The following CUBN variants were observed in gnomAD, a reference collection of about 807,000 sequenced individuals.
CUBN encodes 460 kDa receptor.
A neutral mutation model predicts 405.3 loss-of-function variants in CUBN; 282 were observed. The observed-to-expected ratio is 0.70, with a 90% CI of 0.63 to 0.77. CUBN has a LOEUF of 0.77. CUBN is among the 30% of genes least tolerant of loss of function. The pLI, the probability that CUBN is intolerant of heterozygous loss-of-function variation, is 0.00. For missense variants in CUBN, 4,514 were observed against 4,475.2 expected (o/e 1.01, Z -0.25); for synonymous variants, 1,684 against 1,617.0 (o/e 1.04, Z -0.99).
chr10:17,080,136 A>G (rs1001308890), intron 17 of CUBN, among the ~76,000 whole-genome samples: 2 of 152,008 alleles, frequency 1.3e-5, no homozygotes, highest in Non-Finnish European at 2.9e-5. Flanking sequence ...GATACACAGC[A>G]TTTCCTGTTT....
Position 16,869,770 on chromosome 10 carries a change from G to C in CUBN, c.9320C>G (p.Pro3107Arg), listed in dbSNP as rs1426304982. ...GGAACCGCAGAATTTGCCAAGAAGGGGATCGCTGGTATTGGCACCATCGTA... is the reference window on the plus strand; with the variant it reads ...GGAACCGCAGAATTTGCCAAGAAGGCGATCGCTGGTATTGGCACCATCGTA... ...AIYDGANTSD[P>R]LLGKFCGSKR... is the part of the protein sequence containing the mutation. Residue 3107 changes from proline (P) to arginine (R), a missense_variant, in exon 59 of 67, where the codon CCC (proline) becomes CGC (arginine). Pro to Arg is a moderately radical substitution (Grantham distance 103). Around this residue, in one of 5 missense-constraint regions of CUBN, gnomAD observed 1,186 missense variants for 1,186.9 expected, o/e 1.00. Coordinates refer to ENST00000377833, the MANE Select transcript of CUBN (RefSeq NM_001081.4). The C allele has an allele frequency of 2.5e-6, 4 of 1,613,900 alleles. No individual in the cohort carries two copies. In the South Asian group the frequency reaches 4.4e-5, roughly 18 times the overall value.
chr10:17,050,281 G>A (rs900672877), intron 22 of CUBN, among the ~76,000 whole-genome samples: 1 of 152,128 alleles, frequency 6.6e-6, no homozygotes, highest in Non-Finnish European at 1.5e-5. Flanking sequence ...CAAAATATTG[G>A]ACAATCTGCA....
intron 54 of CUBN, among the ~76,000 whole-genome samples, chr10:16,891,597 C>G (rs1451063019): frequency 6.6e-6 from 1 of 151,984 alleles, no homozygotes; most frequent in African/African-American, 2.4e-5. Context: ...AGAAAGGATG[C>G]CGGAAAACAG....
intron 26 of CUBN, among the ~76,000 whole-genome samples, chr10:17,041,774 C>T (rs1314138814): frequency 6.6e-6 from 1 of 152,018 alleles, no homozygotes; most frequent in Non-Finnish European, 1.5e-5. Flanking sequence ...GCTCCGTTCT[C>T]CCTCTAGTTA....
chr10:16,974,768 C>T (rs61841480), intron 31 of CUBN, among the ~76,000 whole-genome samples: 25,480 of 152,062 alleles, frequency 0.17, 2,737 homozygotes, highest in Non-Finnish European at 0.25. Flanking sequence ...GCAAGACTAG[C>T]GCCCCCTCCC....
intron 31 of CUBN, among the ~76,000 whole-genome samples, chr10:16,974,619 C>A (rs1023385012): frequency 1.3e-5 from 2 of 152,120 alleles, no homozygotes; most frequent in Admixed American, 1.3e-4. Context: ...GATCCCCCCG[C>A]CTCGGCCTCC....
chr10:16,876,950 T>G lies in CUBN; in HGVS notation c.9053A>C (p.Tyr3018Ser), dbSNP rs370778353. The G allele has an allele frequency of 1.1e-4, 185 of 1,613,954 alleles. No individual in the cohort carries two copies. The highest frequency in any genetic ancestry group is 8.2e-4 in the Middle Eastern group (5 of 6,062). Residue 3018 changes from tyrosine (Y) to serine (S), a missense_variant, in exon 57 of 67, where the codon TAC becomes TCC. Transcript: ENST00000377833. ...TIAGPVLLNF[Y>S]SNEQITDFGF... ...GAAGTCTGTGATTTGCTCGTTGGAG[T>G]AGAAGTTAAGCAGAACCGGCCCAGC...
intron 4 of CUBN, among the ~76,000 whole-genome samples, chr10:17,124,941 C>T (rs1837138922): frequency 6.6e-6 from 1 of 152,008 alleles, no homozygotes; most frequent in Non-Finnish European, 1.5e-5. Context: ...AAGCGATTCT[C>T]ATGCCTCAGC....
At chr10:16,874,574 A>T in intron 57 of CUBN, 71 bp from the exon 58 acceptor site, 3 of 1,561,242 alleles carry the variant, frequency 1.9e-6, no homozygotes. Context: ...ATTTTAAGAG[A>T]TTCTATACTA....
At chr10:16,828,515 C>T (rs1838862939) in intron 66 of CUBN, among the ~76,000 whole-genome samples, 1 of 152,086 alleles carries the variant, frequency 6.6e-6, no homozygotes, top group South Asian at 2.1e-4. Flanking sequence ...GTCAGGAGTT[C>T]GAGACCAGCC....
chr10:17,047,409 C>T lies in CUBN; in HGVS notation c.3329+5G>A, dbSNP rs773337793. 1 of 1,597,606 alleles carries T rather than the reference C, an allele frequency of 6.3e-7. No individual in the cohort carries two copies. Among genetic ancestry groups the T allele is most frequent in the Non-Finnish European group, 8.6e-7 (1 of 1,165,460 alleles). On this transcript the variant is annotated splice_donor_5th_base_variant and intron_variant, in intron 23 of 66. Coordinates refer to ENST00000377833, the MANE Select transcript of CUBN (RefSeq NM_001081.4). ...GATTATAATGAAATAAATAAAAGTG[C>T]TGACCTGATTTCCAGAAAATCTGTA... is the stretch of plus-strand genomic sequence containing the variant.
At chr10:17,114,236 C>G (rs781191231) in intron 7 of CUBN, 47 bp from the exon 8 acceptor site, 1 of 1,589,664 alleles carries the variant, frequency 6.3e-7, no homozygotes, top group Non-Finnish European at 8.6e-7. Context: ...TGAAAATCAG[C>G]AAGAAAAGCC....
intron 31 of CUBN, among the ~76,000 whole-genome samples, chr10:16,963,611 C>T (rs1843302611): frequency 6.6e-6 from 1 of 152,010 alleles, no homozygotes; most frequent in African/African-American, 2.4e-5. Context: ...CAAGAATATT[C>T]GGTACAAAAA....
intron 48 of CUBN, among the ~76,000 whole-genome samples, chr10:16,910,332 G>T (rs571099341): frequency 6.6e-6 from 1 of 152,018 alleles, no homozygotes; most frequent in East Asian, 1.9e-4. Flanking sequence ...TAGAGTAGGG[G>T]CAAAGGCCAA....
At position 16,869,750 on chromosome 10, in the gene CUBN, C is replaced by T. The variant is rs117035284; in HGVS notation, c.9340G>A (p.Gly3114Ser). The change falls in exon 59 of 67, where the codon GGT (glycine) becomes AGT (serine). Residue 3114 changes from glycine to serine, a missense_variant. This residue lies in a region of CUBN where 1,186 missense variants were observed against 1,186.9 expected (regional missense o/e 1.00). Transcript: ENST00000377833. ...TTCACATTTGGTGGGCGCTTGGAACCGCAGAATTTGCCAAGAAGGGGATCG... is the reference window on the plus strand; with the variant it reads ...TTCACATTTGGTGGGCGCTTGGAACTGCAGAATTTGCCAAGAAGGGGATCG... ...TSDPLLGKFC[G>S]SKRPPNVKSS... is the part of the protein sequence containing the mutation. 12,288 of 1,613,950 alleles carry T rather than the reference C, an allele frequency of 7.6e-3. 67 individuals carry two copies. The highest frequency in any genetic ancestry group is 9.3e-3 in the Non-Finnish European group (10,994 of 1,179,918).
chr10:16,825,270 C>T (rs369284246), intron 66 of CUBN, among the ~76,000 whole-genome samples, 188 bp from the exon 67 acceptor site: 2 of 151,854 alleles, frequency 1.3e-5, no homozygotes, highest in African/African-American at 4.8e-5. Context: ...TATTTCTGGG[C>T]GTGGGGAGTT....
At chr10:17,106,171 G>A (rs1166576311) in intron 10 of CUBN, among the ~76,000 whole-genome samples, 1 of 151,902 alleles carries the variant, frequency 6.6e-6, no homozygotes, top group Non-Finnish European at 1.5e-5. Context: ...TGTAATCCCA[G>A]CTACTTGGGA....
intron 51 of CUBN, among the ~76,000 whole-genome samples, chr10:16,901,918 TAC>T (rs1554790402): frequency 2.4e-4 from 26 of 109,894 alleles, no homozygotes; most frequent in African/African-American, 7.8e-4. Context: ...TATATATATA[TAC>T]ACACACACAC....
Position 16,919,989 on chromosome 10 carries a change from A to G in CUBN, c.6795T>C (p.Asp2265=). 6.2e-7 allele frequency: 1 copy of G among 1,613,658 alleles called. No homozygotes were observed. The highest frequency in any genetic ancestry group is 8.5e-7 in the Non-Finnish European group (1 of 1,179,954). Reference sequence around the variant, plus strand: ...TGGGTGTTACTTCAATATCGAATCGATCTTCAAATTGCAGCTGTATGCGTG... The same window carrying G: ...TGGGTGTTACTTCAATATCGAATCGGTCTTCAAATTGCAGCTGTATGCGTG... The part of the protein sequence containing the change: ...PETRIQLQFE[D]RFDIEVTPNC... Residue 2265 remains aspartate, a synonymous_variant, in exon 44 of 67, where the codon GAT becomes GAC. Coordinates refer to ENST00000377833, the MANE Select transcript of CUBN (RefSeq NM_001081.4).
Sources: gnomAD v4.1 joint callset for allele counts (sites outside exome capture counted in the v4.1 genomes callset) on GRCh38, gnomAD v4.1.1 for gene constraint, gnomAD v4.1.1 regional missense constraint, MANE v1.5 for transcripts, NCBI Gene and HGNC (gene_info 2026-07-23, HGNC 2026-07-21) for gene names.